The following PDE1C variants were observed in gnomAD, a reference collection of about 807,000 sequenced individuals.
PDE1C encodes dual specificity calcium/calmodulin-dependent 3',5'-cyclic nucleotide phosphodiesterase 1C.
Under a neutral mutation model 93.1 loss-of-function variants are expected in PDE1C, and 62 were observed. The ratio of observed to expected loss-of-function variants is 0.67; its 90% CI spans 0.54 to 0.82. The LOEUF is 0.82. Ranked by LOEUF, PDE1C falls within the 40% of genes least tolerant of loss-of-function variation. PDE1C has a pLI of 0.00. For synonymous variants in PDE1C, 325 were observed against 310.1 expected (o/e 1.05, Z -0.50); for missense variants, 742 against 884.6 (o/e 0.84, Z 2.04).
At chr7:31,842,353 G>T (rs1424795729) in intron 9 of PDE1C, among the ~76,000 whole-genome samples, 5 of 151,914 alleles carry the variant, frequency 3.3e-5, no homozygotes, top group Non-Finnish European at 5.9e-5. Flanking sequence ...AAATACATTT[G>T]CATAAGATTG....
chr7:32,382,465 G>C (rs441261), intron 1 of PDE1C, among the ~76,000 whole-genome samples: 114,192 of 152,076 alleles, frequency 0.75, 44,851 homozygotes, highest in East Asian at 0.96. Flanking sequence ...GAAATGAGAA[G>C]GCTTTTAGTT....
chr7:32,015,960 T>C (rs1025426750), intron 2 of PDE1C, among the ~76,000 whole-genome samples: 4 of 152,108 alleles, frequency 2.6e-5, no homozygotes, highest in Non-Finnish European at 5.9e-5. Context: ...CTAGCTAAAA[T>C]AGGGACAAGG....
At chr7:31,989,156 A>C (rs1783847491) in intron 2 of PDE1C, among the ~76,000 whole-genome samples, 1 of 152,096 alleles carries the variant, frequency 6.6e-6, no homozygotes, top group Non-Finnish European at 1.5e-5. Context: ...AACACAAATA[A>C]ATAATACAAA....
chr7:32,059,694 T>C (rs1794568315), intron 1 of PDE1C, among the ~76,000 whole-genome samples: 1 of 152,220 alleles, frequency 6.6e-6, no homozygotes, highest in Admixed American at 6.5e-5. Context: ...CAAGATTTTT[T>C]TTTTAGCAAA....
At chr7:32,340,301 C>T (rs933217794) in intron 1 of PDE1C, among the ~76,000 whole-genome samples, 1 of 152,078 alleles carries the variant, frequency 6.6e-6, no homozygotes, top group Non-Finnish European at 1.5e-5. Flanking sequence ...ATCGGATCAC[C>T]TACATAAATG....
chr7:31,997,584 A>G (rs1398431549), intron 2 of PDE1C, among the ~76,000 whole-genome samples: 1 of 152,196 alleles, frequency 6.6e-6, no homozygotes, highest in African/African-American at 2.4e-5. Context: ...TGTCAACACA[A>G]TGAGGGAGTT....
At chr7:32,015,694 C>T (rs1279867644) in intron 2 of PDE1C, among the ~76,000 whole-genome samples, 1 of 151,628 alleles carries the variant, frequency 6.6e-6, no homozygotes, top group Non-Finnish European at 1.5e-5. Flanking sequence ...TCAAAAAATT[C>T]CCAAAAATTT....
chr7:31,981,885 G>A (rs1220727949), intron 2 of PDE1C, among the ~76,000 whole-genome samples: 1 of 152,190 alleles, frequency 6.6e-6, no homozygotes, highest in Admixed American at 6.5e-5. Flanking sequence ...TCTTACAGAC[G>A]AAGTTAAATA....
intron 3 of PDE1C, among the ~76,000 whole-genome samples, chr7:32,093,952 A>G (rs1797613532): frequency 6.6e-6 from 1 of 152,196 alleles, no homozygotes; most frequent in Non-Finnish European, 1.5e-5. Context: ...CAGGGATAAT[A>G]CCCAAAAGGG....
intron 11 of PDE1C, among the ~76,000 whole-genome samples, chr7:31,828,599 T>C (rs1003904017): frequency 4.6e-5 from 7 of 152,186 alleles, no homozygotes; most frequent in African/African-American, 1.2e-4. Context: ...TTCATGTTGC[T>C]GTAAAGAAAG....
chr7:32,403,263 G>C (rs907440314), intron 1 of PDE1C, among the ~76,000 whole-genome samples: 6 of 152,176 alleles, frequency 3.9e-5, no homozygotes, highest in African/African-American at 1.4e-4. Context: ...CTAGCCAGGA[G>C]ACCTGGATTC....
At position 31,812,260 on chromosome 7, in the gene PDE1C, G is replaced by A. The variant is rs185856115; in HGVS notation, c.1814-3152C>T. Among the ~76,000 whole-genome samples the A allele has an allele frequency of 6.6e-5, 10 of 152,228 alleles. No homozygotes were observed. The East Asian group carries it at 1.7e-3, about 27-fold the overall frequency. On this transcript the variant is annotated intron_variant, in intron 15 of 17. Transcript: ENST00000396191. ...TAAGCACAGTTGTGAAATCAAGCCAGCCTTGTTGAAGACTCAGGTTCCTGT... is the reference window on the plus strand; with the variant it reads ...TAAGCACAGTTGTGAAATCAAGCCAACCTTGTTGAAGACTCAGGTTCCTGT...
At chr7:31,943,517 A>C (rs1165096478) in intron 2 of PDE1C, among the ~76,000 whole-genome samples, 1 of 152,196 alleles carries the variant, frequency 6.6e-6, no homozygotes, top group African/African-American at 2.4e-5. Flanking sequence ...GTATACCTAG[A>C]GGTTTTAGAG....
At chr7:31,784,616 A>G (rs902156767) in intron 16 of PDE1C, 1 of 151,380 alleles carries the variant, frequency 6.6e-6, no homozygotes, top group Non-Finnish European at 1.5e-5. Flanking sequence ...AAATGGGAGG[A>G]AAAAAAAAGG....
chr7:32,039,041 T>C (rs893654996), intron 2 of PDE1C, among the ~76,000 whole-genome samples: 4 of 152,112 alleles, frequency 2.6e-5, no homozygotes, highest in Non-Finnish European at 5.9e-5. Flanking sequence ...ACCACCACCA[T>C]CAGCACCACC....
At chr7:32,017,520 A>G (rs28191) in intron 2 of PDE1C, among the ~76,000 whole-genome samples, 127,322 of 152,092 alleles carry the variant, frequency 0.84, 53,402 homozygotes, top group Middle Eastern at 0.89. Context: ...AAATTAAAAC[A>G]TTTTGTGCTT....
the PDE1C span, chr7:31,655,966 C>G: frequency 1.0e-6 from 1 of 985,348 alleles, no homozygotes; most frequent in Non-Finnish European, 1.2e-6. Flanking sequence ...ATCTCCAATT[C>G]TATTCCCCTA....
chr7:31,637,293 A>G, the PDE1C span, among the ~76,000 whole-genome samples: 4 of 152,136 alleles, frequency 2.6e-5, no homozygotes, highest in South Asian at 2.1e-4. Context: ...CTAGTTGTAG[A>G]TCCCTGAGGA....
intron 7 of PDE1C, among the ~76,000 whole-genome samples, chr7:31,853,014 A>G (rs1366640433): frequency 1.4e-5 from 2 of 144,528 alleles, no homozygotes; most frequent in East Asian, 3.9e-4. Flanking sequence ...TGAATGGGAG[A>G]CAGTGTAACA....
Sources: gnomAD v4.1 joint callset for allele counts (sites outside exome capture counted in the v4.1 genomes callset) on GRCh38, gnomAD v4.1.1 for gene constraint, MANE v1.5 for transcripts, NCBI Gene and HGNC (gene_info 2026-07-23, HGNC 2026-07-21) for gene names.